TGFBR3: variants seen among roughly 807,000 people sequenced by gnomAD.
The protein encoded by TGFBR3 is transforming growth factor beta receptor 3, also known as transforming growth factor beta receptor type 3.
TGFBR3 carries 46 observed loss-of-function variants against 87.9 expected under a neutral mutation model. That is an observed-to-expected ratio of 0.52 (90% CI 0.41 to 0.67). TGFBR3 has a LOEUF of 0.67. Ranked by LOEUF, TGFBR3 falls within the 30% of genes least tolerant of loss-of-function variation. The pLI is 0.00. For missense variants in TGFBR3, 866 were observed against 1,041.9 expected (o/e 0.83, Z 2.32); for synonymous variants, 381 against 391.6 (o/e 0.97, Z 0.32).
At chr1:91,818,219 G>C (rs903530004) in intron 2 of TGFBR3, among the ~76,000 whole-genome samples, 6 of 137,304 alleles carry the variant, frequency 4.4e-5, no homozygotes, top group Non-Finnish European at 9.3e-5. Flanking sequence ...TATATTTTCA[G>C]TCTTTACTAT....
rs1190031375 is a variant in TGFBR3 at position 91,680,883 on chromosome 1, A to G, written c.*2856T>C. 4 of 449,796 alleles carry G rather than the reference A, an allele frequency of 8.9e-6. No individual in the cohort carries two copies. Among genetic ancestry groups the G allele is most frequent in the Non-Finnish European group, 4.4e-6 (1 of 224,990 alleles). The allele number at this position is 449,796 out of a possible 1,614,324, so 27.9% of individuals were successfully genotyped here. ...AAAAACCATTTTTTTTGTTTAGAAA[A>G]TGCTATAGAAACAGTTTAGACAGAA... On this transcript the variant is annotated 3_prime_UTR_variant, in exon 17 of 17. Transcript: ENST00000212355.
chr1:91,727,487 T>C (rs1257903138), intron 7 of TGFBR3, among the ~76,000 whole-genome samples, 172 bp downstream of exon 7: 2 of 152,244 alleles, frequency 1.3e-5, no homozygotes, highest in African/African-American at 4.8e-5. Context: ...AAGGCCATGT[T>C]TGAACAACCG....
intron 1 of TGFBR3, among the ~76,000 whole-genome samples, chr1:91,884,126 C>T (rs1382481837): frequency 1.3e-5 from 2 of 152,108 alleles, no homozygotes; most frequent in Non-Finnish European, 2.9e-5. Flanking sequence ...TCGAGACCAT[C>T]CTGGCCAACA....
rs17882262 is a variant in TGFBR3 at position 91,757,672 on chromosome 1, T to G, written c.384+941A>C. 4.9e-3 allele frequency among the ~76,000 whole-genome samples: 752 copies of G among 152,346 alleles called. 6 individuals are homozygous for G. Among genetic ancestry groups the G allele is most frequent in the African/African-American group, 0.017 (712 of 41,584 alleles). ...CCCTTTTATTCATTTATGTACTTAT[T>G]ATAATAATTGTATTGACTATGGATT... On this transcript the variant is annotated intron_variant, in intron 4 of 16. Coordinates refer to ENST00000212355, the MANE Select transcript of TGFBR3 (RefSeq NM_003243.5).
chr1:91,876,303 G>C (rs925256131), intron 1 of TGFBR3, among the ~76,000 whole-genome samples: 5 of 152,106 alleles, frequency 3.3e-5, no homozygotes, highest in African/African-American at 1.2e-4. Context: ...AGACCTGCCG[G>C]GGCTGATCTT....
intron 12 of TGFBR3, 91 bp downstream of exon 12, chr1:91,716,124 AAGGTCTGTGAGGTAGGACAGG>A: frequency 1.5e-6 from 2 of 1,300,944 alleles, no homozygotes. Context: ...AGACCTGTTG[AAGGTCTGTGAGGTAGGACAGG>A]AAGAGGTCTG....
At chr1:91,823,216 C>A (rs1676516085) in intron 2 of TGFBR3, among the ~76,000 whole-genome samples, 1 of 152,050 alleles carries the variant, frequency 6.6e-6, no homozygotes, top group African/African-American at 2.4e-5. Context: ...CAGGTGATAT[C>A]TGAGGTGATT....
chr1:91,849,672 C>T (rs1404465461), intron 2 of TGFBR3, among the ~76,000 whole-genome samples: 1 of 152,184 alleles, frequency 6.6e-6, no homozygotes, highest in African/African-American at 2.4e-5. Flanking sequence ...GGATTTTTAT[C>T]TGTTTTGTTT....
Position 91,683,678 on chromosome 1 carries a change from C to T in TGFBR3, c.*61G>A, listed in dbSNP as rs1670988760. 2.2e-6 allele frequency: 3 copies of T among 1,391,310 alleles called. No homozygotes were observed. Among genetic ancestry groups the T allele is most frequent in the Non-Finnish European group, 2.9e-6 (3 of 1,019,458 alleles). The allele number at this position is 1,391,310 out of a possible 1,614,324, so 86.2% of individuals were successfully genotyped here. On this transcript the variant is annotated 3_prime_UTR_variant, in exon 17 of 17. Transcript: ENST00000212355. Reference sequence around the variant, plus strand: ...ACGAGGCTCAGCCATTGGTCCTGCCCTTGGCAGTAGCTGAGCTGAGCTGGG... The same window carrying T: ...ACGAGGCTCAGCCATTGGTCCTGCCTTTGGCAGTAGCTGAGCTGAGCTGGG...
intron 16 of TGFBR3, among the ~76,000 whole-genome samples, chr1:91,686,631 A>G (rs1399771187): frequency 6.6e-6 from 1 of 152,244 alleles, no homozygotes; most frequent in African/African-American, 2.4e-5. Flanking sequence ...GTCAAATGGA[A>G]GTGATGCTAC....
At chr1:91,762,957 C>T (rs10874925) in intron 3 of TGFBR3, among the ~76,000 whole-genome samples, 22,589 of 152,156 alleles carry the variant, frequency 0.15, 1,776 homozygotes, top group East Asian at 0.25. Context: ...TTGGGAAGAA[C>T]GTCTTTGCTC....
chr1:91,782,151 A>T (rs1248365868), intron 3 of TGFBR3, among the ~76,000 whole-genome samples: 1 of 152,072 alleles, frequency 6.6e-6, no homozygotes, highest in Non-Finnish European at 1.5e-5. Flanking sequence ...CCTCACGGGG[A>T]TGCTGGGCTC....
intron 2 of TGFBR3, among the ~76,000 whole-genome samples, chr1:91,851,375 A>G (rs958733473): frequency 6.6e-6 from 1 of 152,202 alleles, no homozygotes; most frequent in Non-Finnish European, 1.5e-5. Flanking sequence ...TTTAAAGAAA[A>G]TGAAAGTCAG....
At chr1:91,842,183 G>C (rs1159339506) in intron 2 of TGFBR3, among the ~76,000 whole-genome samples, 2 of 152,130 alleles carry the variant, frequency 1.3e-5, no homozygotes, top group East Asian at 3.8e-4. Context: ...CTCTCACGGA[G>C]CTTACATTTT....
intron 1 of TGFBR3, among the ~76,000 whole-genome samples, chr1:91,879,575 G>T (rs1381448622): frequency 6.6e-6 from 1 of 152,128 alleles, no homozygotes; most frequent in Non-Finnish European, 1.5e-5. Flanking sequence ...CTGAAAAACT[G>T]AAGAATAAAA....
intron 3 of TGFBR3, among the ~76,000 whole-genome samples, chr1:91,794,058 T>C (rs1444175159): frequency 6.6e-6 from 1 of 152,148 alleles, no homozygotes; most frequent in East Asian, 1.9e-4. Context: ...TGTCAGCAGG[T>C]CAAACGGTTT....
At chr1:91,888,302 T>C (rs1293404061), upstream of TGFBR3, among the ~76,000 whole-genome samples, 1 of 152,214 alleles carries the variant, frequency 6.6e-6, no homozygotes, top group Non-Finnish European at 1.5e-5. Context: ...TATGTCTTTA[T>C]CAGCAGCATG....
chr1:91,766,217 T>G (rs1005888322), intron 3 of TGFBR3, among the ~76,000 whole-genome samples: 1 of 149,542 alleles, frequency 6.7e-6, no homozygotes, highest in South Asian at 2.1e-4. Context: ...TTTTTTTTTT[T>G]GTAGAGACAG....
At chr1:91,798,550 C>A (rs1337710999) in intron 2 of TGFBR3, among the ~76,000 whole-genome samples, 2 of 152,172 alleles carry the variant, frequency 1.3e-5, no homozygotes. Flanking sequence ...GCCCCCACAA[C>A]AAACATCTCA....
Sources: gnomAD v4.1 joint callset for allele counts (sites outside exome capture counted in the v4.1 genomes callset) on GRCh38, gnomAD v4.1.1 for gene constraint, MANE v1.5 for transcripts, NCBI Gene and HGNC (gene_info 2026-07-23, HGNC 2026-07-21) for gene names.